ERI1: variants seen among roughly 807,000 people sequenced by gnomAD.
ERI1 encodes the protein 3'-5' exoribonuclease 1.
In ERI1, 39 loss-of-function variants were observed where a neutral mutation model predicts 39.7. That is an observed-to-expected ratio of 0.98 (90% CI 0.76 to 1.28). ERI1 has a LOEUF of 1.28. ERI1 is among the 50% of genes most tolerant of loss of function. The pLI, the probability that ERI1 is intolerant of heterozygous loss-of-function variation, is 0.00. For missense variants in ERI1, 581 were observed against 416.9 expected (o/e 1.39, Z -3.43); for synonymous variants, 204 against 149.6 (o/e 1.36, Z -2.65).
chr8:9,097,004 G>A (rs773503716), intron 3 of ERI1: 8 of 151,852 alleles, frequency 5.3e-5, no homozygotes, highest in South Asian at 2.1e-4. Context: ...CTCTCTAGAC[G>A]AAGCCACCTT....
intron 3 of ERI1, among the ~76,000 whole-genome samples, chr8:9,071,612 A>C (rs369576797): frequency 2.0e-5 from 3 of 152,192 alleles, no homozygotes; most frequent in Non-Finnish European, 4.4e-5. Flanking sequence ...GACTCCTTTA[A>C]CTTGGTAACC....
intron 3 of ERI1, among the ~76,000 whole-genome samples, chr8:9,074,413 C>T (rs747238214): frequency 1.3e-5 from 2 of 152,070 alleles, no homozygotes; most frequent in Non-Finnish European, 2.9e-5. Flanking sequence ...GCATGAACCA[C>T]TGCACCTGAT....
At chr8:9,003,218 C>G (rs1815560582) in intron 1 of ERI1, 47 bp downstream of exon 1, 4 of 1,154,636 alleles carry the variant, frequency 3.5e-6, no homozygotes, top group Non-Finnish European at 3.3e-6. Flanking sequence ...CTGCCCCGTC[C>G]CCAAAGCGCC....
intron 6 of ERI1, among the ~76,000 whole-genome samples, chr8:9,023,519 C>A (rs185491225): frequency 2.8e-4 from 42 of 152,108 alleles, no homozygotes; most frequent in Admixed American, 2.4e-3. Context: ...ATGCTCCCTC[C>A]TTTTTTGAGT....
At chr8:9,043,897 A>T (rs1390636232) in intron 3 of ERI1, among the ~76,000 whole-genome samples, 3 of 152,234 alleles carry the variant, frequency 2.0e-5, no homozygotes, top group Non-Finnish European at 4.4e-5. Context: ...AATTGAGAAA[A>T]TAAGGCATAA....
At chr8:9,006,011 A>G (rs1728009762) in intron 1 of ERI1, among the ~76,000 whole-genome samples, 4 of 151,674 alleles carry the variant, frequency 2.6e-5, no homozygotes, top group Non-Finnish European at 4.4e-5. Flanking sequence ...TTTTCTCATT[A>G]TATGGTCCGT....
intron 6 of ERI1, among the ~76,000 whole-genome samples, chr8:9,027,651 G>C (rs909122483): frequency 2.0e-5 from 3 of 152,062 alleles, no homozygotes; most frequent in African/African-American, 7.2e-5. Flanking sequence ...AGTTAATTTT[G>C]TTATATGGTG....
intron 3 of ERI1, among the ~76,000 whole-genome samples, chr8:9,090,079 G>A (rs546214056): frequency 3.9e-5 from 6 of 152,142 alleles, no homozygotes; most frequent in Non-Finnish European, 7.3e-5. Context: ...GCACGTGTGC[G>A]GATGTGCAAC....
At chr8:9,085,048 G>C (rs1799482896) in intron 3 of ERI1, among the ~76,000 whole-genome samples, 2 of 152,198 alleles carry the variant, frequency 1.3e-5, no homozygotes, top group South Asian at 4.2e-4. Context: ...CAGATTCTTG[G>C]ACCTATTCCC....
rs1798038389 is a variant in ERI1, at chr8:9,041,999, G to A, written n.299+21535G>A. 2.0e-5 allele frequency among the ~76,000 whole-genome samples: 3 copies of A among 152,196 alleles called. No homozygotes were observed. The South Asian group carries it at 6.2e-4, about 31-fold the overall frequency. On this transcript the variant is annotated intron_variant and non_coding_transcript_variant, in intron 3 of 3. Coordinates refer to the ERI1 transcript ENST00000518663. ...TCCTCCCACCTTGGCCTCCCAAAGT[G>A]CTGGGATTATAGGCATGAGCCACCG...
At chr8:9,022,274 G>A (rs977599623) in intron 6 of ERI1, among the ~76,000 whole-genome samples, 1 of 152,054 alleles carries the variant, frequency 6.6e-6, no homozygotes, top group South Asian at 2.1e-4. Flanking sequence ...ATTTCTGACT[G>A]TTTTAAAAAA....
At chr8:9,070,557 A>G (rs985672764) in intron 3 of ERI1, among the ~76,000 whole-genome samples, 1 of 152,206 alleles carries the variant, frequency 6.6e-6, no homozygotes, top group Non-Finnish European at 1.5e-5. Context: ...CAGAACTACT[A>G]GTATGGAACA....
intron 3 of ERI1, among the ~76,000 whole-genome samples, chr8:9,062,329 C>G (rs891312105): frequency 2.6e-5 from 4 of 151,724 alleles, no homozygotes; most frequent in Non-Finnish European, 5.9e-5. Flanking sequence ...AGGCTTTGAA[C>G]TGGGGAAAAG....
chr8:9,009,563 C>G (rs1036599567), intron 2 of ERI1, among the ~76,000 whole-genome samples: 4 of 152,084 alleles, frequency 2.6e-5, no homozygotes, highest in African/African-American at 7.2e-5. Context: ...TTTTTTGAGA[C>G]AGAGTCTTGC....
rs1563325064 is a variant in ERI1, at chr8:9,020,398, G to A, written c.741G>A (p.Arg247=). 1 of 1,607,664 alleles carries A rather than the reference G, an allele frequency of 6.2e-7. No homozygotes were observed. Among genetic ancestry groups the A allele is most frequent in the Non-Finnish European group, 8.5e-7 (1 of 1,177,526 alleles). Residue 247 remains arginine (R), a synonymous_variant, in exon 6 of 7, where the codon AGG becomes AGA. Coordinates refer to ENST00000250263, the MANE Select transcript of ERI1 (RefSeq NM_153332.4). ...KFLNIQCQLS[R]LKYPPFAKKW... is the part of the protein sequence containing the mutation. ...TGAACATTCAGTGTCAACTCAGCAG[G>A]CTCAAATACCCTCCTTTTGCGAAAA...
rs545997876 is a variant in ERI1, at chr8:9,083,666, G to T, written n.300-32682G>T. Among the ~76,000 whole-genome samples, 10 of 151,756 alleles carry T rather than the reference G, an allele frequency of 6.6e-5. No homozygotes were observed. The South Asian group carries it at 1.9e-3, about 28-fold the overall frequency. Reference sequence around the variant, plus strand: ...AAAAAAAGCGGGGGGGAAGAATACTGCTTCATGCTTGGCACAGTGGTTCAT... The same window carrying T: ...AAAAAAAGCGGGGGGGAAGAATACTTCTTCATGCTTGGCACAGTGGTTCAT... On this transcript the variant is annotated intron_variant and non_coding_transcript_variant, in intron 3 of 3. Transcript: ENST00000518663.
In ERI1 at chr8:9,008,113, C is replaced by G; in HGVS notation, c.252C>G (p.Leu84=). ...TTAATAGAATGAGTAAGGAAGAACTCAGAGCTAAGCTTTCAGAATTCAAGC... is the reference window on the plus strand; with the variant it reads ...TTAATAGAATGAGTAAGGAAGAACTGAGAGCTAAGCTTTCAGAATTCAAGC... ...GCINRMSKEE[L]RAKLSEFKLE... The change falls in exon 2 of 7, where the codon CTC becomes CTG. Residue 84 remains leucine, a synonymous_variant. Coordinates refer to ENST00000250263, the MANE Select transcript of ERI1 (RefSeq NM_153332.4). The G allele has an allele frequency of 6.3e-7, 1 of 1,598,674 alleles. No homozygotes were observed. Among genetic ancestry groups the G allele is most frequent in the Non-Finnish European group, 8.5e-7 (1 of 1,175,142 alleles).
intron 3 of ERI1, among the ~76,000 whole-genome samples, chr8:9,058,432 C>A (rs1490338916): frequency 1.3e-5 from 2 of 152,290 alleles, no homozygotes; most frequent in African/African-American, 4.8e-5. Context: ...GATAACTAAT[C>A]CCTGCCGTGA....
chr8:9,087,145 C>G (rs1015575881), intron 3 of ERI1, among the ~76,000 whole-genome samples: 1 of 152,066 alleles, frequency 6.6e-6, no homozygotes, highest in Non-Finnish European at 1.5e-5. Flanking sequence ...AACCCATCAT[C>G]TAGGTTTTAA....
Sources: gnomAD v4.1 joint callset for allele counts (sites outside exome capture counted in the v4.1 genomes callset) on GRCh38, gnomAD v4.1.1 for gene constraint, MANE v1.5 for transcripts, NCBI Gene and HGNC (gene_info 2026-07-23, HGNC 2026-07-21) for gene names.